The following RBMS3 variants were observed in gnomAD, a reference collection of about 807,000 sequenced individuals.
RBMS3 encodes the protein RNA binding motif single stranded interacting protein 3.
RBMS3 carries 27 observed loss-of-function variants against 66.8 expected under a neutral mutation model. The observed-to-expected ratio is 0.40, with a 90% CI of 0.30 to 0.56. The LOEUF is 0.56. Ranked by LOEUF, RBMS3 falls within the 20% of genes least tolerant of loss-of-function variation. The pLI is 0.40. For synonymous variants in RBMS3, 188 were observed against 183.0 expected (o/e 1.03, Z -0.22); for missense variants, 513 against 549.5 (o/e 0.93, Z 0.66).
intron 4 of RBMS3, among the ~76,000 whole-genome samples, chr3:29,625,633 G>GGTTGCAGTGAGCTGAGATTGCGCC (rs2049032303): frequency 6.6e-6 from 1 of 151,862 alleles, no homozygotes; most frequent in African/African-American, 2.4e-5. Flanking sequence ...GGGAGGTGGG[G>GGTTGCAGTGAGCTGAGATTGCGCC]GTTGCAGTGA....
chr3:29,397,782 C>T (rs1268698708), intron 1 of RBMS3, among the ~76,000 whole-genome samples: 1 of 152,084 alleles, frequency 6.6e-6, no homozygotes, highest in African/African-American at 2.4e-5. Context: ...CTCCTGGGCT[C>T]AAGCAATCCA....
In RBMS3 at chr3:30,009,978, A is replaced by G. The variant is rs1392980534; in HGVS notation, c.*6116A>G. 6.6e-6 allele frequency: 1 copy of G among 152,104 alleles called. No individual in the cohort carries two copies. Among genetic ancestry groups the G allele is most frequent in the Non-Finnish European group, 1.5e-5 (1 of 68,012 alleles). 9.4% of individuals were successfully genotyped at this position (152,104 alleles called of 1,614,324 possible). A position where few individuals can be genotyped will look rare whatever the true frequency, so the allele number is the denominator to read the frequency against. Reference sequence around the variant, plus strand: ...AAAGTTTTCTCTATTCTGGACACAAATGCTTCCATTTATTTCAAAAGAAGA... The same window carrying G: ...AAAGTTTTCTCTATTCTGGACACAAGTGCTTCCATTTATTTCAAAAGAAGA... On this transcript the variant is annotated 3_prime_UTR_variant, in exon 15 of 15. Transcript: ENST00000383767.
At chr3:29,809,212 T>C (rs2057651406) in intron 6 of RBMS3, among the ~76,000 whole-genome samples, 1 of 151,804 alleles carries the variant, frequency 6.6e-6, no homozygotes, top group Non-Finnish European at 1.5e-5. Flanking sequence ...AAAATCCTTT[T>C]TCGAAAGTTC....
rs377544263 is a variant in RBMS3 at position 29,956,848 on chromosome 3, A to T, written c.1098+12594A>T. On this transcript the variant is annotated intron_variant, in intron 12 of 14. Coordinates refer to ENST00000383767, the MANE Select transcript of RBMS3 (RefSeq NM_001003793.3). ...TTGCAGCTTTCAGGACATAATCCTC[A>T]GTCCTTAGCCTGTGCAACAAGGCCC... Among the ~76,000 whole-genome samples the T allele has an allele frequency of 9.9e-5, 15 of 152,066 alleles. No individual in the cohort carries two copies. The East Asian group carries it at 1.2e-3, about 12-fold the overall frequency.
chr3:29,673,919 C>A (rs1186327319), intron 4 of RBMS3, among the ~76,000 whole-genome samples: 2 of 152,138 alleles, frequency 1.3e-5, no homozygotes, highest in African/African-American at 4.8e-5. Flanking sequence ...CTGCATCATC[C>A]TGATACCAAA....
At chr3:29,655,895 C>T (rs1187730043) in intron 4 of RBMS3, among the ~76,000 whole-genome samples, 2 of 149,404 alleles carry the variant, frequency 1.3e-5, no homozygotes, top group Non-Finnish European at 3.0e-5. Flanking sequence ...CCTGTATATG[C>T]GTGGATTAAT....
At chr3:29,513,113 C>G (rs572604338) in intron 3 of RBMS3, among the ~76,000 whole-genome samples, 1 of 152,150 alleles carries the variant, frequency 6.6e-6, no homozygotes, top group Non-Finnish European at 1.5e-5. Flanking sequence ...CACATCCTTT[C>G]GCATTTGACA....
intron 3 of RBMS3, among the ~76,000 whole-genome samples, chr3:29,550,739 G>A (rs1020560009): frequency 6.6e-6 from 1 of 152,088 alleles, no homozygotes; most frequent in South Asian, 2.1e-4. Context: ...TTAAATGGGA[G>A]CACTGTGTTT....
At chr3:29,594,963 A>G (rs1012724331) in intron 4 of RBMS3, among the ~76,000 whole-genome samples, 1 of 152,200 alleles carries the variant, frequency 6.6e-6, no homozygotes, top group Non-Finnish European at 1.5e-5. Context: ...GTATACTAGT[A>G]AAATTCTCTG....
At chr3:29,687,896 A>G (rs2051801857) in intron 4 of RBMS3, among the ~76,000 whole-genome samples, 1 of 152,216 alleles carries the variant, frequency 6.6e-6, no homozygotes. Context: ...GTCAAGTAGT[A>G]TAGAATGATA....
intron 1 of RBMS3, among the ~76,000 whole-genome samples, chr3:29,331,904 A>G (rs191405863): frequency 7.8e-6 from 1 of 128,428 alleles, no homozygotes; most frequent in Admixed American, 1.0e-4. Context: ...TTGTTCATCT[A>G]TTAGAGCACA....
intron 4 of RBMS3, among the ~76,000 whole-genome samples, chr3:29,699,103 A>G (rs970998577): frequency 1.3e-5 from 2 of 152,188 alleles, no homozygotes; most frequent in East Asian, 3.9e-4. Context: ...AAACATACAC[A>G]AAAAATCTTT....
chr3:29,569,783 G>A (rs1233092554), intron 3 of RBMS3, among the ~76,000 whole-genome samples: 2 of 152,160 alleles, frequency 1.3e-5, no homozygotes, highest in Admixed American at 6.5e-5. Flanking sequence ...TGAAAGCATT[G>A]CCTATTTCCA....
chr3:29,707,195 C>T (rs2149300480), intron 4 of RBMS3, among the ~76,000 whole-genome samples: 1 of 152,276 alleles, frequency 6.6e-6, no homozygotes, highest in Non-Finnish European at 1.5e-5. Flanking sequence ...CCCCCAAAAA[C>T]TATAAAATTT....
At chr3:29,938,525 C>A (rs928776377) in intron 11 of RBMS3, among the ~76,000 whole-genome samples, 5 of 151,818 alleles carry the variant, frequency 3.3e-5, no homozygotes, top group Non-Finnish European at 7.4e-5. Context: ...TTTGTTGATT[C>A]GTTTAACAAA....
At chr3:29,920,265 C>A (rs2060737554) in intron 10 of RBMS3, among the ~76,000 whole-genome samples, 3 of 152,092 alleles carry the variant, frequency 2.0e-5, no homozygotes, top group African/African-American at 7.2e-5. Context: ...AGCAAATTTC[C>A]TACTCCTCTT....
intron 5 of RBMS3, among the ~76,000 whole-genome samples, chr3:29,754,115 G>A (rs2055305968): frequency 6.6e-6 from 1 of 151,442 alleles, no homozygotes; most frequent in Admixed American, 6.6e-5. Context: ...CCACCACCAT[G>A]CCTAATTTTT....
At chr3:29,434,954 C>T in intron 2 of RBMS3, 39 bp downstream of exon 2, 1 of 1,575,908 alleles carries the variant, frequency 6.3e-7, no homozygotes, top group Non-Finnish European at 8.7e-7. Context: ...TTCTCACTCC[C>T]ATACTTGCCT....
At chr3:29,400,472 G>A (rs1478305149) in intron 1 of RBMS3, among the ~76,000 whole-genome samples, 1 of 151,948 alleles carries the variant, frequency 6.6e-6, no homozygotes, top group Non-Finnish European at 1.5e-5. Flanking sequence ...CGACTCAGGA[G>A]GACTAAAAGT....
Sources: gnomAD v4.1 joint callset for allele counts (sites outside exome capture counted in the v4.1 genomes callset) on GRCh38, gnomAD v4.1.1 for gene constraint, MANE v1.5 for transcripts, NCBI Gene and HGNC (gene_info 2026-07-23, HGNC 2026-07-21) for gene names.